Variants in ELAPOR2 observed in about 807,000 individuals in gnomAD.
The protein encoded by ELAPOR2 is endosome/lysosome-associated apoptosis and autophagy regulator family member 2.
ELAPOR2 carries 89 observed loss-of-function variants against 120.7 expected under a neutral mutation model. The ratio of observed to expected loss-of-function variants is 0.74; its 90% CI spans 0.62 to 0.88. The LOEUF is 0.88. Among genes scored for constraint, ELAPOR2 ranks in the 40% least tolerant of loss-of-function variants. ELAPOR2 has a pLI of 0.00. For synonymous variants in ELAPOR2, 444 were observed against 444.9 expected, an observed-to-expected ratio of 1.00 and a Z score of 0.03; for missense variants, 1,134 against 1,251.6, an observed-to-expected ratio of 0.91 and a Z score of 1.42.
intron 12 of ELAPOR2, 109 bp downstream of exon 12, chr7:86,918,323 CAAAAAAAAAA>C (rs370415220): frequency 1.8e-4 from 31 of 173,934 alleles, no homozygotes; most frequent in African/African-American, 2.6e-4. Flanking sequence ...CTAAGAATAG[CAAAAAAAAAA>C]AAAAAAAAAA....
chr7:86,911,969 T>C, intron 15 of ELAPOR2, 103 bp downstream of exon 15: 1 of 1,181,566 alleles, frequency 8.5e-7, no homozygotes, highest in South Asian at 1.5e-5. Flanking sequence ...TTCTGACACT[T>C]GGTTGATATC....
At chr7:86,940,837 C>A (rs1207532360) in intron 5 of ELAPOR2, among the ~76,000 whole-genome samples, 1 of 152,034 alleles carries the variant, frequency 6.6e-6, no homozygotes, top group Non-Finnish European at 1.5e-5. Context: ...ACAATCCACC[C>A]AACTATTTCA....
chr7:86,984,124 A>C (rs575163834), intron 1 of ELAPOR2, among the ~76,000 whole-genome samples: 2 of 152,170 alleles, frequency 1.3e-5, no homozygotes, highest in African/African-American at 4.8e-5. Context: ...GGGATTAACA[A>C]GAAGAGCTAA....
chr7:86,886,275 C>T (rs1289573410), intron 21 of ELAPOR2, among the ~76,000 whole-genome samples: 1 of 152,132 alleles, frequency 6.6e-6, no homozygotes, highest in East Asian at 1.9e-4. Flanking sequence ...TGTTGGACCG[C>T]ATTTGAGTAT....
chr7:86,948,976 T>C, intron 2 of ELAPOR2, among the ~76,000 whole-genome samples: 1 of 152,200 alleles, frequency 6.6e-6, no homozygotes, highest in Non-Finnish European at 1.5e-5. Flanking sequence ...TCTTCTCTTT[T>C]AGAATACATT....
Position 86,938,151 on chromosome 7 carries a change from T to C in ELAPOR2, c.1064A>G (p.His355Arg), listed in dbSNP as rs1264302512. 5.8e-6 allele frequency: 9 copies of C among 1,551,814 alleles called. No individual in the cohort carries two copies. Among genetic ancestry groups the C allele is most frequent in the Non-Finnish European group, 7.0e-6 (8 of 1,146,376 alleles). Reference sequence around the variant, plus strand: ...CTTTCCTTCTTCATCACATGGAGTATGGATCTGGAAATAGTCTTTTGTGGT... The same window carrying C: ...CTTTCCTTCTTCATCACATGGAGTACGGATCTGGAAATAGTCTTTTGTGGT... ...PCTTKDYFQI[H>R]TPCDEEGKTQ... is the part of the protein sequence containing the mutation. Residue 355 changes from histidine to arginine, a missense_variant, in exon 8 of 22, where the codon CAT (histidine) becomes CGT (arginine). His to Arg is a conservative substitution (Grantham distance 29, BLOSUM62 0). Around this residue, in one of 3 missense-constraint regions of ELAPOR2, gnomAD observed 831 missense variants for 867.6 expected, o/e 0.96. Coordinates refer to ENST00000450689, the MANE Select transcript of ELAPOR2 (RefSeq NM_001142749.3).
chr7:86,978,944 A>C (rs1205993625), intron 1 of ELAPOR2, among the ~76,000 whole-genome samples: 2 of 152,196 alleles, frequency 1.3e-5, no homozygotes, highest in Non-Finnish European at 2.9e-5. Context: ...ACATTTCCTC[A>C]ATTCTGAAAT....
At chr7:86,930,198 G>A (rs1437037730) in intron 8 of ELAPOR2, among the ~76,000 whole-genome samples, 1 of 151,866 alleles carries the variant, frequency 6.6e-6, no homozygotes, top group Admixed American at 6.6e-5. Context: ...TGACTATACT[G>A]AAAACACTGA....
At chr7:87,049,458 T>C (rs1795043008) in intron 1 of ELAPOR2, among the ~76,000 whole-genome samples, 1 of 151,992 alleles carries the variant, frequency 6.6e-6, no homozygotes, top group Admixed American at 6.6e-5. Context: ...ATTTTTTGTA[T>C]TTTTTTGTAG....
chr7:86,900,762 G>C (rs1183983508), intron 18 of ELAPOR2, among the ~76,000 whole-genome samples: 1 of 152,062 alleles, frequency 6.6e-6, no homozygotes, highest in Non-Finnish European at 1.5e-5. Flanking sequence ...ATTTAAATCA[G>C]TCCTTCCGTG....
rs534779988 is a variant in ELAPOR2, at chr7:86,910,919, G to T, written c.2170-918C>A. Among the ~76,000 whole-genome samples the T allele has an allele frequency of 8.8e-4, 133 of 151,892 alleles. 1 individual carries two copies. Among genetic ancestry groups the T allele is most frequent in the African/African-American group, 3.1e-3 (130 of 41,448 alleles). On this transcript the variant is annotated intron_variant, in intron 15 of 21. Transcript: ENST00000450689. ...CTTCTGACAATAGGCCTTCTCACCA[G>T]TATATTTTTTTTACTAGGCTTAAAT...
chr7:86,990,305 C>G (rs1347876554), intron 1 of ELAPOR2, among the ~76,000 whole-genome samples: 1 of 152,140 alleles, frequency 6.6e-6, no homozygotes, highest in Non-Finnish European at 1.5e-5. Flanking sequence ...GCCTCGGCCT[C>G]CCAAAGTGCT....
At chr7:86,973,768 C>T (rs1792182951) in intron 1 of ELAPOR2, among the ~76,000 whole-genome samples, 1 of 152,124 alleles carries the variant, frequency 6.6e-6, no homozygotes, top group African/African-American at 2.4e-5. Flanking sequence ...GGCATGACAT[C>T]CAGGTGGCCA....
chr7:86,954,395 C>A (rs1791388628), intron 2 of ELAPOR2, among the ~76,000 whole-genome samples: 1 of 152,164 alleles, frequency 6.6e-6, no homozygotes, highest in Admixed American at 6.5e-5. Flanking sequence ...CCAGAGACCT[C>A]ATGTTTTGAA....
At chr7:87,042,724 T>C (rs1461720715) in intron 1 of ELAPOR2, among the ~76,000 whole-genome samples, 2 of 151,852 alleles carry the variant, frequency 1.3e-5, no homozygotes, top group Non-Finnish European at 2.9e-5. Context: ...AGCAAACACA[T>C]TGAAAAGCTA....
chr7:86,945,710 A>G (rs1360651414), intron 3 of ELAPOR2, among the ~76,000 whole-genome samples: 3 of 152,192 alleles, frequency 2.0e-5, no homozygotes, highest in African/African-American at 7.2e-5. Flanking sequence ...TAATAACTCT[A>G]TGTTACCATA....
chr7:86,987,475 AC>A (rs1792788518), intron 1 of ELAPOR2, among the ~76,000 whole-genome samples: 1 of 152,232 alleles, frequency 6.6e-6, no homozygotes. Flanking sequence ...TCCAGAATCT[AC>A]AAAGAACTTA....
At chr7:86,911,026 T>G (rs1789281137) in intron 15 of ELAPOR2, among the ~76,000 whole-genome samples, 1 of 151,304 alleles carries the variant, frequency 6.6e-6, no homozygotes, top group South Asian at 2.1e-4. Context: ...TAGTGGAAGC[T>G]AAAAGGAAAG....
chr7:86,935,807 T>C (rs1304785147), intron 8 of ELAPOR2, among the ~76,000 whole-genome samples: 2 of 152,060 alleles, frequency 1.3e-5, no homozygotes, highest in Non-Finnish European at 2.9e-5. Context: ...AAAGATTTAC[T>C]AAAAGTATGA....
Sources: gnomAD v4.1 joint callset for allele counts (sites outside exome capture counted in the v4.1 genomes callset) on GRCh38, gnomAD v4.1.1 for gene constraint, gnomAD v4.1.1 regional missense constraint, MANE v1.5 for transcripts, NCBI Gene and HGNC (gene_info 2026-07-23, HGNC 2026-07-21) for gene names.